PLXNC1: variants seen among roughly 807,000 people sequenced by gnomAD.
The protein encoded by PLXNC1 is plexin-C1.
A neutral mutation model predicts 178.2 loss-of-function variants in PLXNC1; 75 were observed. The observed-to-expected ratio is 0.42, with a 90% CI of 0.35 to 0.51. The LOEUF (loss-of-function observed/expected upper bound fraction) is 0.51. PLXNC1 is among the 20% of genes least tolerant of loss of function. The pLI is 0.02. For synonymous variants in PLXNC1, 790 were observed against 779.9 expected (o/e 1.01, Z -0.22); for missense variants, 1,503 against 1,984.4 (o/e 0.76, Z 4.61).
intron 1 of PLXNC1, chr12:94,168,177 T>A (rs1425242590): frequency 1.3e-5 from 2 of 152,186 alleles, no homozygotes; most frequent in Non-Finnish European, 2.9e-5. Context: ...AATGTGCCTT[T>A]AAAAACCTTA....
In PLXNC1 at chr12:94,212,130, C is replaced by T. The variant is rs975142646; in HGVS notation, c.1554+2426C>T. 5.3e-5 allele frequency among the ~76,000 whole-genome samples: 8 copies of T among 151,704 alleles called. No individual in the cohort carries two copies. The East Asian group carries it at 1.2e-3, about 22-fold the overall frequency. ...TCTACTAAAAATACAAAAAATTAGC[C>T]GGGCGTGGTGGCGGGCGCCTGTAGT... On this transcript the variant is annotated intron_variant, in intron 5 of 30. Transcript: ENST00000258526.
chr12:94,149,707 T>C lies in PLXNC1; in HGVS notation c.736T>C (p.Phe246Leu). ...DAFLWNGSIY[F>L]PYYPYNYTSG... ...CTTTCTCTGGAACGGCAGCATCTAC[T>C]TCCCCTACTACCCCTACAACTACAC... The change falls in exon 1 of 31, where the codon TTC becomes CTC. Residue 246 changes from phenylalanine (F) to leucine (L), a missense_variant. Coordinates refer to ENST00000258526, the MANE Select transcript of PLXNC1 (RefSeq NM_005761.3). The C allele has an allele frequency of 6.2e-7, 1 of 1,612,354 alleles. No homozygotes were observed. The highest frequency in any genetic ancestry group is 1.1e-5 in the South Asian group (1 of 90,876).
chr12:94,178,466 C>A (rs1239567067), intron 2 of PLXNC1, among the ~76,000 whole-genome samples: 3 of 152,062 alleles, frequency 2.0e-5, no homozygotes, highest in Admixed American at 6.5e-5. Context: ...TTAAAAAAAA[C>A]AAAAACTGGC....
intron 30 of PLXNC1, 127 bp downstream of exon 30, chr12:94,304,178 C>G: frequency 1.6e-6 from 1 of 636,284 alleles, no homozygotes; most frequent in Non-Finnish European, 2.8e-6. Context: ...GGAAGCCTGT[C>G]TGAGATGGGG....
chr12:94,264,505 G>C (rs555286480), intron 20 of PLXNC1, among the ~76,000 whole-genome samples: 2 of 131,914 alleles, frequency 1.5e-5, no homozygotes, highest in Non-Finnish European at 3.2e-5. Flanking sequence ...GGAACTGCCC[G>C]GGCCGGGCCT....
chr12:94,300,460 C>T (rs969830897), intron 27 of PLXNC1, among the ~76,000 whole-genome samples: 1 of 151,978 alleles, frequency 6.6e-6, no homozygotes, highest in Non-Finnish European at 1.5e-5. Context: ...TTGGAATGAG[C>T]GCGGTGAGGA....
intron 12 of PLXNC1, among the ~76,000 whole-genome samples, chr12:94,247,425 T>G (rs1379324069): frequency 6.6e-6 from 1 of 152,140 alleles, no homozygotes; most frequent in African/African-American, 2.4e-5. Flanking sequence ...AAAGGGTGAT[T>G]CAGCTGCAAC....
intron 21 of PLXNC1, among the ~76,000 whole-genome samples, chr12:94,275,572 G>GAGCACTAAGTGTTA (rs1565847977): frequency 2.1e-5 from 3 of 143,858 alleles, no homozygotes; most frequent in East Asian, 2.1e-4. Flanking sequence ...ACTGCTGTTT[G>GAGCACTAAGTGTTA]GCCGGGCGCG....
rs185289681 is a variant in PLXNC1, at chr12:94,219,948, A to T, written c.1555-68A>T. ...GTGGCAGGTCAAAGGGTGAGATCATATGAGGCTCTATGATGGATGGAAATG... is the reference window on the plus strand; with the variant it reads ...GTGGCAGGTCAAAGGGTGAGATCATTTGAGGCTCTATGATGGATGGAAATG... On this transcript the variant is annotated intron_variant, in intron 5 of 30. Transcript: ENST00000258526. 1,362 of 1,477,834 alleles carry T rather than the reference A, an allele frequency of 9.2e-4. 19 individuals carry two copies. The Admixed American group carries it at 0.023, about 24-fold the overall frequency. The allele number at this position is 1,477,834 out of a possible 1,614,324, so 91.5% of individuals were successfully genotyped here.
chr12:94,226,647 T>C lies in PLXNC1; in HGVS notation c.1833T>C (p.Ser611=), dbSNP rs1963947146. The part of the protein sequence containing the change: ...CVETGCAWCK[S]ARRCIHPFTA... ...AAACTGGCTGCGCGTGGTGTAAAAG[T>C]GCAAGAAGGTGTATCCACCCCTTCA... is the stretch of plus-strand genomic sequence containing the variant. Residue 611 remains serine, a synonymous_variant, in exon 8 of 31, where the codon AGT becomes AGC. Coordinates refer to ENST00000258526, the MANE Select transcript of PLXNC1 (RefSeq NM_005761.3). 6.2e-7 allele frequency: 1 copy of C among 1,613,988 alleles called. No individual in the cohort carries two copies. The highest frequency in any genetic ancestry group is 2.2e-5 in the East Asian group (1 of 44,876).
Position 94,246,341 on chromosome 12 carries a change from A to G in PLXNC1, c.2389-1562A>G, listed in dbSNP as rs954089381. Among the ~76,000 whole-genome samples, 8 of 152,240 alleles carry G rather than the reference A, an allele frequency of 5.3e-5. No homozygotes were observed. In the South Asian group the frequency reaches 1.2e-3, roughly 24 times the overall value. On this transcript the variant is annotated intron_variant, in intron 12 of 30. Coordinates refer to ENST00000258526, the MANE Select transcript of PLXNC1 (RefSeq NM_005761.3). ...CAGTAGCTCCCTTTGGGCTGTGGTTAGCAGAGCAGGTCTCAAGTGCTGGGG... is the reference window on the plus strand; with the variant it reads ...CAGTAGCTCCCTTTGGGCTGTGGTTGGCAGAGCAGGTCTCAAGTGCTGGGG...
intron 26 of PLXNC1, among the ~76,000 whole-genome samples, chr12:94,298,025 A>T (rs1286801637): frequency 6.6e-6 from 1 of 152,130 alleles, no homozygotes; most frequent in African/African-American, 2.4e-5. Context: ...TATGATCTAC[A>T]CTTGGCCCCA....
At chr12:94,197,296 C>G (rs1470155280) in intron 4 of PLXNC1, among the ~76,000 whole-genome samples, 2 of 152,118 alleles carry the variant, frequency 1.3e-5, no homozygotes. Flanking sequence ...AGAGGTGGAA[C>G]CTTTCGGACG....
intron 9 of PLXNC1, among the ~76,000 whole-genome samples, chr12:94,229,392 G>C (rs1183782610): frequency 1.3e-5 from 2 of 152,158 alleles, no homozygotes; most frequent in African/African-American, 4.8e-5. Context: ...GTAATACACA[G>C]AGTTTTTAAT....
chr12:94,242,302 ATTTTTTTTTT>A (rs59056862), intron 11 of PLXNC1, among the ~76,000 whole-genome samples: 2 of 97,376 alleles, frequency 2.1e-5, no homozygotes, highest in African/African-American at 8.8e-5. Flanking sequence ...AATCTCCCCA[ATTTTTTTTTT>A]TTTTTTTTTT....
Position 94,265,244 on chromosome 12 carries a change from T to C in PLXNC1, c.3597+19T>C. ...TACTGTGGTATGTTTTCAATAAAGC[T>C]CCCAGCCAGACTCCCAAATAAATCT... is the stretch of plus-strand genomic sequence containing the variant. On this transcript the variant is annotated intron_variant, in intron 21 of 30. Coordinates refer to ENST00000258526, the MANE Select transcript of PLXNC1 (RefSeq NM_005761.3). The C allele has an allele frequency of 6.3e-7, 1 of 1,577,606 alleles. No individual in the cohort carries two copies. The highest frequency in any genetic ancestry group is 8.7e-7 in the Non-Finnish European group (1 of 1,153,298).
intron 1 of PLXNC1, among the ~76,000 whole-genome samples, chr12:94,164,705 A>G (rs1961536130): frequency 6.8e-6 from 1 of 147,034 alleles, no homozygotes; most frequent in Non-Finnish European, 1.5e-5. Context: ...ACACACACAC[A>G]CGTACACACA....
chr12:94,265,075 C>T lies in PLXNC1; in HGVS notation c.3451-4C>T. ...CTAACTGTCACTTTTGTGTCTTTTC[C>T]AAGGAGACTGTCGGAGAGCCCTTCT... is the stretch of plus-strand genomic sequence containing the variant. On this transcript the variant is annotated splice_polypyrimidine_tract_variant and splice_region_variant and intron_variant, in intron 20 of 30. Transcript: ENST00000258526. 6.2e-7 allele frequency: 1 copy of T among 1,613,732 alleles called. No homozygotes were observed. Among genetic ancestry groups the T allele is most frequent in the Admixed American group, 1.7e-5 (1 of 59,934 alleles).
chr12:94,275,065 C>A (rs574640706), intron 21 of PLXNC1, among the ~76,000 whole-genome samples: 2 of 152,330 alleles, frequency 1.3e-5, no homozygotes, highest in African/African-American at 4.8e-5. Context: ...ATTCCCTCAG[C>A]TGGTGAGCAG....
Sources: allele counts gnomAD v4.1 joint callset (sites outside exome capture counted in the v4.1 genomes callset), GRCh38; gene constraint gnomAD v4.1.1; transcripts MANE v1.5; gene names NCBI Gene and HGNC (gene_info 2026-07-23, HGNC 2026-07-21).